ZBTB18: variants seen among roughly 807,000 people sequenced by gnomAD.
ZBTB18 encodes zinc finger and BTB domain containing 18, also known as zinc finger and BTB domain-containing protein 18.
Under a neutral mutation model 37.7 loss-of-function variants are expected in ZBTB18, and 2 were observed. That is an observed-to-expected ratio of 0.05 (90% CI 0.02 to 0.17). The LOEUF is 0.17. ZBTB18 is among the 10% of genes least tolerant of loss of function. ZBTB18 has a pLI of 1.00. For missense variants in ZBTB18, 408 were observed against 686.3 expected, an observed-to-expected ratio of 0.59 and a Z score of 4.53; for synonymous variants, 304 against 276.5, an observed-to-expected ratio of 1.10 and a Z score of -0.99.
At position 244,055,000 on chromosome 1, in the gene ZBTB18, G is replaced by A. The variant is rs765153679; in HGVS notation, c.1226G>A (p.Arg409His). The change falls in exon 2 of 2, where the codon CGC (arginine) becomes CAC (histidine). Residue 409 changes from arginine to histidine, a missense_variant. Physicochemically the swap from Arg to His is conservative, Grantham distance 29. This residue lies in a region of ZBTB18 where 266 missense variants were observed against 312.0 expected (regional missense o/e 0.85). Transcript: ENST00000358704. This position sits in a 1 kb window ranked among gnomAD's most constrained non-coding sequence, Gnocchi z 9.0. The stretch of plus-strand genomic sequence containing the variant: ...CACTTCCGCGAGCAGGACGGCATCC[G>A]CAGCAAGCCCGCCGCCGATGTCAAC... Reference protein sequence around the residue: ...STHFREQDGIRSKPAADVNVP... With the variant: ...STHFREQDGIHSKPAADVNVP... 6.2e-6 allele frequency: 10 copies of A among 1,614,000 alleles called. No individual in the cohort carries two copies. The East Asian group carries it at 6.7e-5, about 11-fold the overall frequency.
Position 244,057,003 on chromosome 1 carries a change from A to G in ZBTB18, c.*1633A>G, listed in dbSNP as rs1249058059. On this transcript the variant is annotated 3_prime_UTR_variant, in exon 2 of 2. Transcript: ENST00000358704. Reference sequence around the variant, plus strand: ...AACATAGCCTATTTTTGTGCTTAAGATACTGAATGGAAAACTCCATTGTGT... The same window carrying G: ...AACATAGCCTATTTTTGTGCTTAAGGTACTGAATGGAAAACTCCATTGTGT... 1 of 166,808 alleles carries G rather than the reference A, an allele frequency of 6.0e-6. No individual in the cohort carries two copies. The highest frequency in any genetic ancestry group is 1.5e-5 in the Non-Finnish European group (1 of 68,102). 10.3% of individuals were successfully genotyped at this position (166,808 alleles called of 1,614,324 possible).
In ZBTB18 at chr1:244,054,861, A is replaced by T; in HGVS notation, c.1087A>T (p.Ser363Cys). The T allele has an allele frequency of 6.2e-7, 1 of 1,614,110 alleles. No individual in the cohort carries two copies. The highest frequency in any genetic ancestry group is 8.5e-7 in the Non-Finnish European group (1 of 1,180,006). Residue 363 changes from serine (S) to cysteine (C), a missense_variant, in exon 2 of 2, where the codon AGT becomes TGT. By Grantham distance (112) the Ser-to-Cys change is moderately radical. This residue lies in a region of ZBTB18 where 266 missense variants were observed against 312.0 expected (regional missense o/e 0.85). Transcript: ENST00000358704. The surrounding 1 kb of genome is among the most constrained non-coding windows in gnomAD (Gnocchi z 9.0). ...RVQVEGGMES[S>C]LLPYVSNILS... ...CCAGGTGGAGGGAGGCATGGAGAGC[A>T]GTCTGCTCCCCTACGTCTCCAACAT... is the stretch of plus-strand genomic sequence containing the variant.
chr1:244,054,071 A>G lies in ZBTB18; in HGVS notation c.297A>G (p.Lys99=), dbSNP rs903074134. ...TGTATGAAGGGAAACTCCAGTTCAA[A>G]GACTTGCCCATTGAAGACGTGCTAG... The part of the protein sequence containing the change: ...EFMYEGKLQF[K]DLPIEDVLAA... Residue 99 remains lysine (K), a synonymous_variant, in exon 2 of 2, where the codon AAA becomes AAG. Transcript: ENST00000358704. This position sits in a 1 kb window ranked among gnomAD's most constrained non-coding sequence, Gnocchi z 9.0. 8 of 1,614,012 alleles carry G rather than the reference A, an allele frequency of 5.0e-6. No individual in the cohort carries two copies. In the African/African-American group the frequency reaches 1.1e-4, roughly 22 times the overall value.
rs1414362061 is a variant in ZBTB18 at position 244,054,701 on chromosome 1, T to A, written c.927T>A (p.Ser309Arg). The change falls in exon 2 of 2, where the codon AGT becomes AGA. Residue 309 changes from serine (S) to arginine (R), a missense_variant. Coordinates refer to ENST00000358704, the MANE Select transcript of ZBTB18 (RefSeq NM_205768.3). This position sits in a 1 kb window ranked among gnomAD's most constrained non-coding sequence, Gnocchi z 9.0. The stretch of plus-strand genomic sequence containing the variant: ...TGGAACATAGCACTGTGAAAGAAAG[T>A]GTGAGCACTAATAACAGGGTACAGT... ...YDMEHSTVKE[S>R]VSTNNRVQYE... 6.2e-7 allele frequency: 1 copy of A among 1,613,982 alleles called. No individual in the cohort carries two copies. Among genetic ancestry groups the A allele is most frequent in the East Asian group, 2.2e-5 (1 of 44,874 alleles).
chr1:244,055,436 G>A lies in ZBTB18; in HGVS notation c.*66G>A. The stretch of plus-strand genomic sequence containing the variant: ...TATAAATAGATCTCTATATAGTTGT[G>A]GTACGGTCTAAAAGCAGTCTTGTTT... On this transcript the variant is annotated 3_prime_UTR_variant, in exon 2 of 2. Transcript: ENST00000358704. This position sits in a 1 kb window ranked among gnomAD's most constrained non-coding sequence, Gnocchi z 7.0. The A allele has an allele frequency of 1.7e-6, 1 of 584,644 alleles. No homozygotes were observed. The highest frequency in any genetic ancestry group is 2.4e-6 in the Non-Finnish European group (1 of 421,746). 36.2% of individuals were successfully genotyped at this position (584,644 alleles called of 1,614,324 possible).
Position 244,055,349 on chromosome 1 carries a change from C to T in ZBTB18, c.1575C>T (p.Ser525=). The change falls in exon 2 of 2, where the codon AGC becomes AGT. Residue 525 remains serine (S), a synonymous_variant. Coordinates refer to ENST00000358704, the MANE Select transcript of ZBTB18 (RefSeq NM_205768.3). The surrounding 1 kb of genome is among the most constrained non-coding windows in gnomAD (Gnocchi z 7.0). ...PTVRDWTLED[S]SQELWK is the part of the protein sequence containing the mutation. ...TCAGAGACTGGACCTTAGAAGATAG[C>T]TCTCAAGAACTTTGGAAATAATTTT... 6.8e-7 allele frequency: 1 copy of T among 1,470,656 alleles called. No individual in the cohort carries two copies. The highest frequency in any genetic ancestry group is 1.5e-5 in the South Asian group (1 of 68,168). The allele number at this position is 1,470,656 out of a possible 1,614,324, so 91.1% of individuals were successfully genotyped here.
At chr1:244,052,840 T>C (rs1275451415) in intron 1 of ZBTB18, among the ~76,000 whole-genome samples, 1 of 152,214 alleles carries the variant, frequency 6.6e-6, no homozygotes, top group Non-Finnish European at 1.5e-5. Flanking sequence ...GTTGAACCTG[T>C]AAAGCTTTTG....
At chr1:244,051,490 TTTTG>T (rs1477047662) in intron 1 of ZBTB18, 46 bp downstream of exon 1, 19 of 1,609,834 alleles carry the variant, frequency 1.2e-5, no homozygotes, top group African/African-American at 1.1e-4. Context: ...TGTTTTGGTG[TTTTG>T]TTTATTTAAT....
At position 244,054,798 on chromosome 1, in the gene ZBTB18, A is replaced by G; in HGVS notation, c.1024A>G (p.Ser342Gly). The G allele has an allele frequency of 6.2e-7, 1 of 1,614,148 alleles. No homozygotes were observed. Among genetic ancestry groups the G allele is most frequent in the Non-Finnish European group, 8.5e-7 (1 of 1,180,018 alleles). ...LRELDREDKA[S>G]DDEMMTPESE... ...GGAGCTGGACCGGGAGGACAAAGCC[A>G]GTGATGATGAGATGATGACCCCAGA... The change falls in exon 2 of 2, where the codon AGT (serine) becomes GGT (glycine). Residue 342 changes from serine (S) to glycine (G), a missense_variant. Ser to Gly is a moderately conservative substitution (Grantham distance 56). This residue lies in a region of ZBTB18 where 266 missense variants were observed against 312.0 expected (regional missense o/e 0.85). Coordinates refer to ENST00000358704, the MANE Select transcript of ZBTB18 (RefSeq NM_205768.3). This position sits in a 1 kb window ranked among gnomAD's most constrained non-coding sequence, Gnocchi z 9.0.
At chr1:244,049,268 C>T (rs1371349282), upstream of ZBTB18, among the ~76,000 whole-genome samples, 2 of 144,650 alleles carry the variant, frequency 1.4e-5, no homozygotes, top group Non-Finnish European at 3.1e-5. Flanking sequence ...CGGCTCCGCG[C>T]CGCGCCCCCG....
At chr1:244,049,525 C>T (rs538023536), upstream of ZBTB18, among the ~76,000 whole-genome samples, 241 of 151,944 alleles carry the variant, frequency 1.6e-3, 2 homozygotes, top group African/African-American at 5.4e-3. Flanking sequence ...GCTCGCGCGT[C>T]GCGGCATCGG....
rs372007689 is a variant in ZBTB18, at chr1:244,054,214, C to T, written c.440C>T (p.Ser147Leu). ...TKKEEDASSC[S>L]DKVESLSDGS... ...AAGGAAGAAGATGCTTCAAGTTGTT[C>T]GGACAAAGTCGAGAGTCTCTCCGAT... The change falls in exon 2 of 2, where the codon TCG becomes TTG. Residue 147 changes from serine to leucine, a missense_variant. By Grantham distance (145) the Ser-to-Leu change is moderately radical. This residue lies in a region of ZBTB18 where 95 missense variants were observed against 218.7 expected (regional missense o/e 0.43). Coordinates refer to ENST00000358704, the MANE Select transcript of ZBTB18 (RefSeq NM_205768.3). The surrounding 1 kb of genome is among the most constrained non-coding windows in gnomAD (Gnocchi z 9.0). The T allele has an allele frequency of 1.1e-5, 18 of 1,613,996 alleles. No homozygotes were observed. Among genetic ancestry groups the T allele is most frequent in the African/African-American group, 1.3e-5 (1 of 74,918 alleles).
Position 244,051,535 on chromosome 1 carries a change from T to A in ZBTB18, c.13+91T>A. ...AAATCACATTACTTTTCTAACCCAG[T>A]TTAGGAATAATATATGAAATTGAGT... On this transcript the variant is annotated intron_variant, in intron 1 of 1. Coordinates refer to ENST00000358704, the MANE Select transcript of ZBTB18 (RefSeq NM_205768.3). The A allele has an allele frequency of 3.4e-6, 5 of 1,470,908 alleles. No homozygotes were observed. In the South Asian group the frequency reaches 5.8e-5, roughly 17 times the overall value. 91.1% of individuals were successfully genotyped at this position (1,470,908 alleles called of 1,614,324 possible).
chr1:244,056,663 C>T lies in ZBTB18; in HGVS notation c.*1293C>T, dbSNP rs575317188. The T allele has an allele frequency of 6.1e-6, 1 of 163,954 alleles. No homozygotes were observed. Among genetic ancestry groups the T allele is most frequent in the Non-Finnish European group, 1.5e-5 (1 of 67,552 alleles). 10.2% of individuals were successfully genotyped at this position (163,954 alleles called of 1,614,324 possible). A position where few individuals can be genotyped will look rare whatever the true frequency, so the allele number is the denominator to read the frequency against. On this transcript the variant is annotated 3_prime_UTR_variant, in exon 2 of 2. Coordinates refer to ENST00000358704, the MANE Select transcript of ZBTB18 (RefSeq NM_205768.3). ...TACCCTCCCTCCCTTACTCTCCCCC[C>T]CCACCACCACCCTCCACCCCCAACT...
At position 244,054,455 on chromosome 1, in the gene ZBTB18, A is replaced by C; in HGVS notation, c.681A>C (p.Ser227=). 6.2e-7 allele frequency: 1 copy of C among 1,614,236 alleles called. No individual in the cohort carries two copies. Among genetic ancestry groups the C allele is most frequent in the Non-Finnish European group, 8.5e-7 (1 of 1,180,030 alleles). ...AGKTVASPCS[S]TESLSQRSVT... The stretch of plus-strand genomic sequence containing the variant: ...AAACAGTAGCCAGCCCCTGCAGCTC[A>C]ACAGAGTCTTTGTCCCAGAGGTCTG... The change falls in exon 2 of 2, where the codon TCA becomes TCC. Residue 227 remains serine, a synonymous_variant. Coordinates refer to ENST00000358704, the MANE Select transcript of ZBTB18 (RefSeq NM_205768.3). The surrounding 1 kb of genome is among the most constrained non-coding windows in gnomAD (Gnocchi z 9.0).
At chr1:244,052,828 AC>A (rs1698380475) in intron 1 of ZBTB18, among the ~76,000 whole-genome samples, 1 of 152,220 alleles carries the variant, frequency 6.6e-6, no homozygotes, top group African/African-American at 2.4e-5. Flanking sequence ...TTAAAAAAAA[AC>A]GTTGAACCTG....
upstream of ZBTB18, among the ~76,000 whole-genome samples, chr1:244,050,676 A>C (rs1698330213): frequency 6.6e-6 from 1 of 152,220 alleles, no homozygotes; most frequent in African/African-American, 2.4e-5. Flanking sequence ...TGGCAGTGTA[A>C]GAAATTTTTC....
intron 1 of ZBTB18, 133 bp downstream of exon 1, chr1:244,051,577 A>C (rs1258045254): frequency 9.6e-7 from 1 of 1,046,978 alleles, no homozygotes; most frequent in African/African-American, 1.6e-5. Context: ...TGAACATCTT[A>C]CTGGAGTTGA....
rs1698473356 is a variant in ZBTB18, at chr1:244,056,569, C to T, written c.*1199C>T. The T allele has an allele frequency of 6.0e-6, 1 of 166,880 alleles. No individual in the cohort carries two copies. The highest frequency in any genetic ancestry group is 2.1e-4 in the South Asian group (1 of 4,822). 10.3% of individuals were successfully genotyped at this position (166,880 alleles called of 1,614,324 possible). On this transcript the variant is annotated 3_prime_UTR_variant, in exon 2 of 2. Coordinates refer to ENST00000358704, the MANE Select transcript of ZBTB18 (RefSeq NM_205768.3). ...GAGCGTTCTTAGAATAACTACTGCA[C>T]AAGTTGACAATAGGTCGTTCTCTCT...
Sources: gnomAD v4.1 joint callset for allele counts (sites outside exome capture counted in the v4.1 genomes callset) on GRCh38, gnomAD v4.1.1 for gene constraint, gnomAD v4.1.1 regional missense constraint, Gnocchi (gnomAD v3.1) non-coding constraint, MANE v1.5 for transcripts, NCBI Gene and HGNC (gene_info 2026-07-23, HGNC 2026-07-21) for gene names.